SPAG16: variants seen among roughly 807,000 people sequenced by gnomAD.
SPAG16 encodes sperm associated antigen 16.
In SPAG16, 86 loss-of-function variants were observed where a neutral mutation model predicts 80.4. That is an observed-to-expected ratio of 1.07 (90% CI 0.90 to 1.28). SPAG16 has a LOEUF of 1.28. Among genes scored for constraint, SPAG16 ranks in the 50% most tolerant of loss-of-function variants. SPAG16 has a pLI of 0.00. For synonymous variants in SPAG16, 294 were observed against 265.9 expected (o/e 1.11, Z -1.03); for missense variants, 870 against 765.3 (o/e 1.14, Z -1.61).
chr2:213,542,818 T>G (rs1037559897), intron 10 of SPAG16, among the ~76,000 whole-genome samples: 14 of 152,140 alleles, frequency 9.2e-5, no homozygotes, highest in African/African-American at 3.4e-4. Context: ...TTACTTGAAT[T>G]GTGGAAACAT....
intron 6 of SPAG16, among the ~76,000 whole-genome samples, chr2:213,343,983 A>G (rs1187033402): frequency 3.3e-5 from 5 of 152,110 alleles, no homozygotes; most frequent in Non-Finnish European, 7.4e-5. Flanking sequence ...ACAAATTCAA[A>G]TTATTTACTC....
chr2:213,992,034 C>T (rs2046311818), intron 12 of SPAG16, among the ~76,000 whole-genome samples: 2 of 152,006 alleles, frequency 1.3e-5, no homozygotes, highest in Non-Finnish European at 2.9e-5. Context: ...CCCATGCATA[C>T]TCATAAAGAA....
chr2:214,052,986 G>C (rs2049741721), intron 13 of SPAG16, among the ~76,000 whole-genome samples: 1 of 152,166 alleles, frequency 6.6e-6, no homozygotes. Flanking sequence ...AACTTGAATA[G>C]GCCTTAATGT....
intron 9 of SPAG16, among the ~76,000 whole-genome samples, chr2:213,434,422 G>A (rs2070499435): frequency 6.6e-6 from 1 of 152,160 alleles, no homozygotes; most frequent in Non-Finnish European, 1.5e-5. Context: ...AGGAATTTAT[G>A]ACTAAGACCT....
chr2:213,513,462 T>C (rs2075307562), intron 10 of SPAG16, among the ~76,000 whole-genome samples: 1 of 152,170 alleles, frequency 6.6e-6, no homozygotes, highest in South Asian at 2.1e-4. Flanking sequence ...AATGGAGATG[T>C]TCCTATTTCG....
At chr2:213,418,030 C>T (rs1363736978) in intron 9 of SPAG16, among the ~76,000 whole-genome samples, 1 of 152,070 alleles carries the variant, frequency 6.6e-6, no homozygotes, top group African/African-American at 2.4e-5. Context: ...TGCTCCATCA[C>T]ACCCAGCTAA....
chr2:213,366,152 A>G (rs559544350), intron 8 of SPAG16, among the ~76,000 whole-genome samples: 2 of 151,486 alleles, frequency 1.3e-5, no homozygotes, highest in Admixed American at 1.3e-4. Flanking sequence ...AAAAAAAAAA[A>G]AAAAAAAGAA....
At chr2:214,276,578 T>C (rs983051995) in intron 15 of SPAG16, among the ~76,000 whole-genome samples, 4 of 152,222 alleles carry the variant, frequency 2.6e-5, no homozygotes, top group Non-Finnish European at 1.5e-5. Flanking sequence ...GGATATGAAA[T>C]TCTGGGTTGA....
At chr2:213,732,279 T>C (rs1429589522) in intron 10 of SPAG16, among the ~76,000 whole-genome samples, 1 of 152,192 alleles carries the variant, frequency 6.6e-6, no homozygotes, top group Non-Finnish European at 1.5e-5. Flanking sequence ...TCAATGTGTC[T>C]GTTCATCCAT....
At chr2:213,963,963 A>T (rs1371168012) in intron 12 of SPAG16, among the ~76,000 whole-genome samples, 9 of 152,132 alleles carry the variant, frequency 5.9e-5, no homozygotes, top group Non-Finnish European at 1.3e-4. Flanking sequence ...GGATCTTGTT[A>T]ATTTATCCTT....
chr2:213,660,173 T>G (rs2063365565), intron 10 of SPAG16, among the ~76,000 whole-genome samples: 1 of 151,888 alleles, frequency 6.6e-6, no homozygotes, highest in Non-Finnish European at 1.5e-5. Flanking sequence ...AAGCAATGGA[T>G]AGTTAGACAT....
At chr2:213,284,812 A>G in intron 1 of SPAG16, 193 bp downstream of exon 1, 1 of 771,376 alleles carries the variant, frequency 1.3e-6, no homozygotes. Context: ...CGCCCTTAGT[A>G]GCCCAGGGTG....
At chr2:213,991,576 C>G (rs80199286) in intron 12 of SPAG16, among the ~76,000 whole-genome samples, 3 of 152,048 alleles carry the variant, frequency 2.0e-5, no homozygotes, top group Non-Finnish European at 4.4e-5. Flanking sequence ...CTCCTGGACC[C>G]CCGCACTTGT....
chr2:213,660,532 A>T (rs1004470674), intron 10 of SPAG16, among the ~76,000 whole-genome samples: 1 of 152,134 alleles, frequency 6.6e-6, no homozygotes, highest in African/African-American at 2.4e-5. Context: ...GGGGGCCAGG[A>T]TTTAAAACCC....
At chr2:213,425,940 A>G (rs1346686936) in intron 9 of SPAG16, among the ~76,000 whole-genome samples, 1 of 152,186 alleles carries the variant, frequency 6.6e-6, no homozygotes, top group Non-Finnish European at 1.5e-5. Context: ...AGCCTGGAGC[A>G]TGTTGTAGTG....
intron 10 of SPAG16, among the ~76,000 whole-genome samples, chr2:213,698,271 T>G (rs1288941267): frequency 6.6e-6 from 1 of 152,152 alleles, no homozygotes; most frequent in Non-Finnish European, 1.5e-5. Flanking sequence ...TGATGATTAT[T>G]ATTATTTTGA....
Position 213,393,198 on chromosome 2 carries a change from TA to T in SPAG16, c.942+18089del, listed in dbSNP as rs35502279. On this transcript the variant is annotated intron_variant, in intron 9 of 15. Transcript: ENST00000331683. Reference sequence around the variant, plus strand: ...TGAAAATGCATAACTGAGACTGCAGTAAAAAAAAAATGCTGAGGATTTACAA... The same window carrying T: ...TGAAAATGCATAACTGAGACTGCAGTAAAAAAAAATGCTGAGGATTTACAA... Among the ~76,000 whole-genome samples the T allele has an allele frequency of 3.5e-3, 510 of 147,656 alleles. 4 individuals carry two copies. Among genetic ancestry groups the T allele is most frequent in the African/African-American group, 0.011 (461 of 40,520 alleles).
intron 7 of SPAG16, among the ~76,000 whole-genome samples, chr2:213,353,628 T>G (rs901497863): frequency 1.3e-5 from 2 of 152,188 alleles, no homozygotes; most frequent in African/African-American, 4.8e-5. Flanking sequence ...ACTTGCATTT[T>G]TCACTTGGTA....
chr2:213,666,456 G>T (rs16850642), intron 10 of SPAG16, among the ~76,000 whole-genome samples: 7,431 of 152,156 alleles, frequency 0.049, 594 homozygotes, highest in African/African-American at 0.17. Flanking sequence ...CCACCTATAT[G>T]CTTAGTCTTA....
Sources: allele counts gnomAD v4.1 joint callset (sites outside exome capture counted in the v4.1 genomes callset), GRCh38; gene constraint gnomAD v4.1.1; transcripts MANE v1.5; gene names NCBI Gene and HGNC (gene_info 2026-07-23, HGNC 2026-07-21).